The following RBFOX1 variants were observed in gnomAD, a reference collection of about 807,000 sequenced individuals.
RBFOX1 encodes RNA binding protein fox-1 homolog 1.
RBFOX1 carries 8 observed loss-of-function variants against 57.7 expected under a neutral mutation model. The ratio of observed to expected loss-of-function variants is 0.14; its 90% CI spans 0.08 to 0.25. RBFOX1 has a LOEUF of 0.25. RBFOX1 is among the 10% of genes least tolerant of loss of function. The probability of loss-of-function intolerance (pLI) is 1.00; values close to 1 mark genes in which losing one functional copy is unlikely to be tolerated. For synonymous variants in RBFOX1, 326 were observed against 222.4 expected (o/e 1.47, Z -4.15); for missense variants, 611 against 548.5 (o/e 1.11, Z -1.14).
At chr16:6,944,740 G>A (rs1450175837) in intron 3 of RBFOX1, among the ~76,000 whole-genome samples, 1 of 152,168 alleles carries the variant, frequency 6.6e-6, no homozygotes, top group Non-Finnish European at 1.5e-5. Context: ...GACATACATG[G>A]ATAAAGTCCT....
At chr16:6,500,256 A>G (rs1047113908) in intron 2 of RBFOX1, among the ~76,000 whole-genome samples, 1 of 152,160 alleles carries the variant, frequency 6.6e-6, no homozygotes, top group African/African-American at 2.4e-5. Flanking sequence ...GAGCTTATTG[A>G]GGCCTTTAGC....
chr16:6,895,066 C>T (rs1596428917), intron 3 of RBFOX1, among the ~76,000 whole-genome samples: 1 of 152,076 alleles, frequency 6.6e-6, no homozygotes, highest in African/African-American at 2.4e-5. Flanking sequence ...ATAAATACAT[C>T]TTTAATAAAT....
intron 1 of RBFOX1, among the ~76,000 whole-genome samples, chr16:6,284,277 GCCGTCAGGAC>G (rs2076678260): frequency 6.6e-6 from 1 of 152,094 alleles, no homozygotes; most frequent in African/African-American, 2.4e-5. Context: ...CTTTTCCTAT[GCCGTCAGGAC>G]AGCTCTGGGG....
intron 3 of RBFOX1, among the ~76,000 whole-genome samples, chr16:6,936,430 A>G (rs1049679399): frequency 6.6e-6 from 1 of 152,192 alleles, no homozygotes; most frequent in East Asian, 1.9e-4. Context: ...ACCTAATTGG[A>G]TGCATTTTGT....
intron 1 of RBFOX1, among the ~76,000 whole-genome samples, chr16:6,137,517 G>C (rs927230614): frequency 1.3e-5 from 2 of 151,938 alleles, no homozygotes; most frequent in Non-Finnish European, 2.9e-5. Flanking sequence ...TGTTGGTCAG[G>C]CTGGTCTCGA....
chr16:7,034,029 C>T (rs917803995), intron 3 of RBFOX1, among the ~76,000 whole-genome samples: 1 of 152,178 alleles, frequency 6.6e-6, no homozygotes, highest in Non-Finnish European at 1.5e-5. Context: ...ACTTGGATTT[C>T]TCTCCATTGC....
intron 3 of RBFOX1, among the ~76,000 whole-genome samples, chr16:5,669,897 A>C (rs1427791744): frequency 6.6e-6 from 1 of 152,248 alleles, no homozygotes; most frequent in Non-Finnish European, 1.5e-5. Context: ...GTTCATAGCA[A>C]CATTGTTCAC....
intron 3 of RBFOX1, among the ~76,000 whole-genome samples, chr16:5,725,677 C>T (rs1318364798): frequency 1.3e-5 from 2 of 151,690 alleles, no homozygotes; most frequent in African/African-American, 2.4e-5. Context: ...AGAGAGGTAA[C>T]TTGAGGTCCA....
intron 2 of RBFOX1, among the ~76,000 whole-genome samples, chr16:5,594,525 T>G (rs2047116361): frequency 6.6e-6 from 1 of 152,172 alleles, no homozygotes; most frequent in Non-Finnish European, 1.5e-5. Context: ...GAACATTGGT[T>G]TCTTCATCTG....
At chr16:7,262,973 C>T (rs1249270258) in intron 4 of RBFOX1, among the ~76,000 whole-genome samples, 1 of 152,178 alleles carries the variant, frequency 6.6e-6, no homozygotes, top group East Asian at 1.9e-4. Flanking sequence ...TCCACTTACT[C>T]TAGGAAGTGT....
intron 2 of RBFOX1, among the ~76,000 whole-genome samples, chr16:6,461,425 C>G (rs923438968): frequency 6.6e-6 from 1 of 152,188 alleles, no homozygotes; most frequent in Non-Finnish European, 1.5e-5. Context: ...TTGAGGGCTA[C>G]TATCAGCCCA....
intron 3 of RBFOX1, among the ~76,000 whole-genome samples, chr16:5,702,806 T>A (rs1416705507): frequency 2.6e-4 from 40 of 152,186 alleles, no homozygotes; most frequent in Admixed American, 2.6e-3. Context: ...CTGTGTGTGT[T>A]GTGGAACTAA....
chr16:6,846,950 T>G (rs1224417689), intron 3 of RBFOX1, among the ~76,000 whole-genome samples: 1 of 152,160 alleles, frequency 6.6e-6, no homozygotes, highest in Non-Finnish European at 1.5e-5. Context: ...GGCTACAGTT[T>G]TACCATGTCT....
intron 3 of RBFOX1, among the ~76,000 whole-genome samples, chr16:5,635,969 G>T (rs1008077319): frequency 6.6e-6 from 1 of 152,108 alleles, no homozygotes; most frequent in Non-Finnish European, 1.5e-5. Context: ...AGCAATTTTG[G>T]AGTCCAAGGT....
At chr16:7,190,008 A>C (rs138645852) in intron 4 of RBFOX1, among the ~76,000 whole-genome samples, 1 of 152,356 alleles carries the variant, frequency 6.6e-6, no homozygotes, top group African/African-American at 2.4e-5. Flanking sequence ...ACTTATTAGA[A>C]GACCAATAAG....
chr16:5,704,376 G>T (rs1405618797), intron 3 of RBFOX1, among the ~76,000 whole-genome samples: 2 of 152,078 alleles, frequency 1.3e-5, no homozygotes, highest in Non-Finnish European at 2.9e-5. Context: ...ACACAGAGGG[G>T]CCCTGGGGGT....
chr16:5,861,984 C>T (rs8058152), intron 3 of RBFOX1, among the ~76,000 whole-genome samples: 354 of 152,284 alleles, frequency 2.3e-3, no homozygotes, highest in African/African-American at 8.3e-3. Context: ...CAGAGTTGGA[C>T]TTGAGAGGAC....
chr16:5,370,614 T>G (rs1488335092), intron 1 of RBFOX1, among the ~76,000 whole-genome samples: 1 of 152,092 alleles, frequency 6.6e-6, no homozygotes, highest in Non-Finnish European at 1.5e-5. Flanking sequence ...TGCCTCAGCC[T>G]CCTAAGCAGC....
chr16:7,181,399 A>G (rs2082674759), intron 4 of RBFOX1, among the ~76,000 whole-genome samples: 1 of 152,130 alleles, frequency 6.6e-6, no homozygotes, highest in Non-Finnish European at 1.5e-5. Flanking sequence ...AAGTGGTAAG[A>G]GTTAATTAGG....
Sources: gnomAD v4.1 joint callset for allele counts (sites outside exome capture counted in the v4.1 genomes callset) on GRCh38, gnomAD v4.1.1 for gene constraint, MANE v1.5 for transcripts, NCBI Gene and HGNC (gene_info 2026-07-23, HGNC 2026-07-21) for gene names.